NIBAN1: variants seen among roughly 807,000 people sequenced by gnomAD.
NIBAN1 encodes the protein niban apoptosis regulator 1, also known as protein Niban 1.
Under a neutral mutation model 75.1 loss-of-function variants are expected in NIBAN1, and 81 were observed. The ratio of observed to expected loss-of-function variants is 1.08; its 90% CI spans 0.90 to 1.30. The LOEUF (loss-of-function observed/expected upper bound fraction) is 1.30, where lower values mean the gene tolerates loss of function less well. NIBAN1 is among the 50% of genes most tolerant of loss of function. The pLI, the probability that NIBAN1 is intolerant of heterozygous loss-of-function variation, is 0.00. For missense variants in NIBAN1, 1,133 were observed against 1,128.1 expected, an observed-to-expected ratio of 1.00 and a Z score of -0.06; for synonymous variants, 436 against 424.8, an observed-to-expected ratio of 1.03 and a Z score of -0.32.
intron 6 of NIBAN1, among the ~76,000 whole-genome samples, chr1:184,827,234 G>A (rs1254056371): frequency 6.6e-6 from 1 of 151,586 alleles, no homozygotes; most frequent in Non-Finnish European, 1.5e-5. Context: ...AATACAGTGG[G>A]GGAGTGGGGC....
At chr1:184,803,111 C>A (rs1382002746) in intron 12 of NIBAN1, among the ~76,000 whole-genome samples, 1 of 152,180 alleles carries the variant, frequency 6.6e-6, no homozygotes. Flanking sequence ...AACAACATTG[C>A]TGGATTTAAC....
intron 4 of NIBAN1, 130 bp downstream of exon 4, chr1:184,889,974 GACAA>G (rs1427058808): frequency 1.4e-6 from 1 of 689,724 alleles, no homozygotes; most frequent in South Asian, 1.8e-5. Context: ...TTCCAATTGT[GACAA>G]ACAAAAATGT....
At chr1:184,950,417 T>A (rs234091) in intron 1 of NIBAN1, among the ~76,000 whole-genome samples, 122,062 of 152,136 alleles carry the variant, frequency 0.8, 49,210 homozygotes, top group African/African-American at 0.83. Flanking sequence ...CCCCAGACAC[T>A]TTGTCTTTTC....
intron 2 of NIBAN1, among the ~76,000 whole-genome samples, chr1:184,898,817 CTTA>C (rs1571557407): frequency 6.6e-6 from 1 of 152,036 alleles, no homozygotes; most frequent in Non-Finnish European, 1.5e-5. Flanking sequence ...GTGGTGGTTA[CTTA>C]TTATAATGGA....
At chr1:184,908,982 C>A (rs1377834315) in intron 1 of NIBAN1, among the ~76,000 whole-genome samples, 1 of 152,114 alleles carries the variant, frequency 6.6e-6, no homozygotes, top group Non-Finnish European at 1.5e-5. Flanking sequence ...ATTAGACAAC[C>A]TTTCTTGGTT....
At chr1:184,960,697 C>G (rs1030595778) in intron 1 of NIBAN1, among the ~76,000 whole-genome samples, 1 of 152,030 alleles carries the variant, frequency 6.6e-6, no homozygotes, top group African/African-American at 2.4e-5. Context: ...GGCACAGTCT[C>G]GGCTCACTGC....
rs748954236 is a variant in NIBAN1 at position 184,884,677 on chromosome 1, C to A, written c.557G>T (p.Arg186Met). Residue 186 changes from arginine (R) to methionine (M), a missense_variant, in exon 5 of 14, where the codon AGG (arginine) becomes ATG (methionine). Physicochemically the swap from Arg to Met is moderately conservative, Grantham distance 91 (BLOSUM62 -1). Coordinates refer to ENST00000367511, the MANE Select transcript of NIBAN1 (RefSeq NM_052966.4). ...FCFHEAADQK[R>M]FSALLSDCVR... ...GCAGTCACTCAGGAGGGCACTAAAC[C>A]TCTTCTGGTCAGCAGCCTCGTGGAA... is the stretch of plus-strand genomic sequence containing the variant. 4.3e-6 allele frequency: 7 copies of A among 1,614,194 alleles called. No individual in the cohort carries two copies. Among genetic ancestry groups the A allele is most frequent in the Non-Finnish European group, 5.9e-6 (7 of 1,180,004 alleles).
At chr1:184,925,323 A>G (rs561216818) in intron 1 of NIBAN1, among the ~76,000 whole-genome samples, 106 of 152,070 alleles carry the variant, frequency 7.0e-4, no homozygotes, top group Admixed American at 1.2e-3. Context: ...TGTATTTCCT[A>G]TAGGCAACCA....
At chr1:184,971,438 G>A (rs542537253) in intron 1 of NIBAN1, among the ~76,000 whole-genome samples, 15 of 151,968 alleles carry the variant, frequency 9.9e-5, no homozygotes, top group Admixed American at 3.9e-4. Flanking sequence ...TTGGGAGGCC[G>A]AGGCAGGCAG....
chr1:184,960,519 A>G (rs1044147408), intron 1 of NIBAN1, among the ~76,000 whole-genome samples: 1 of 152,236 alleles, frequency 6.6e-6, no homozygotes, highest in Non-Finnish European at 1.5e-5. Context: ...CTATTTGCTG[A>G]GGGTGCTATT....
Position 184,808,128 on chromosome 1 carries a change from G to C in NIBAN1, c.1281C>G (p.Phe427Leu). The change falls in exon 10 of 14, where the codon TTC becomes TTG. Residue 427 changes from phenylalanine to leucine, a missense_variant. Physicochemically the swap from Phe to Leu is conservative, Grantham distance 22 (BLOSUM62 0). Transcript: ENST00000367511. ...CCACCAGATCAATGTGGGGGAATCT[G>C]AAGCGGCTCTTGAGATCCTGCAGGC... ...HERLQDLKSR[F>L]RFPHIDLVVQ... 3 of 1,614,068 alleles carry C rather than the reference G, an allele frequency of 1.9e-6. No homozygotes were observed. Among genetic ancestry groups the C allele is most frequent in the Non-Finnish European group, 2.5e-6 (3 of 1,179,988 alleles).
At chr1:184,928,817 T>C (rs1045903709) in intron 1 of NIBAN1, among the ~76,000 whole-genome samples, 1 of 152,150 alleles carries the variant, frequency 6.6e-6, no homozygotes, top group Non-Finnish European at 1.5e-5. Flanking sequence ...TTGGTTCTTA[T>C]AAAGGTGATT....
chr1:184,806,283 G>A (rs180774719), intron 10 of NIBAN1, among the ~76,000 whole-genome samples: 109 of 152,332 alleles, frequency 7.2e-4, no homozygotes, highest in African/African-American at 2.5e-3. Context: ...CCAAGGCCAT[G>A]GGACTGAGCA....
chr1:184,895,654 T>C (rs1485545216), intron 2 of NIBAN1, among the ~76,000 whole-genome samples: 1 of 152,160 alleles, frequency 6.6e-6, no homozygotes, highest in Non-Finnish European at 1.5e-5. Context: ...AGTGTACCCA[T>C]TACCCAAATC....
intron 13 of NIBAN1, among the ~76,000 whole-genome samples, chr1:184,797,253 C>T (rs1379928185): frequency 6.6e-6 from 1 of 151,704 alleles, no homozygotes; most frequent in East Asian, 1.9e-4. Flanking sequence ...GATTCTCCTA[C>T]CTCACCTTCT....
At chr1:184,823,604 A>C in intron 7 of NIBAN1, 34 bp downstream of exon 7, 1 of 1,598,644 alleles carries the variant, frequency 6.3e-7, no homozygotes, top group South Asian at 1.1e-5. Context: ...TCCCATTTTG[A>C]GTAGCTCAGT....
intron 5 of NIBAN1, among the ~76,000 whole-genome samples, chr1:184,871,986 G>A (rs968317754): frequency 2.6e-5 from 4 of 151,870 alleles, no homozygotes; most frequent in African/African-American, 7.3e-5. Flanking sequence ...ATCCTCTCAG[G>A]AACTCACCTT....
chr1:184,893,682 T>C (rs234667), intron 3 of NIBAN1, among the ~76,000 whole-genome samples: 72,771 of 151,910 alleles, frequency 0.48, 17,600 homozygotes, highest in South Asian at 0.58. Context: ...AGAGCAGAGA[T>C]GTCAGGATGG....
At position 184,926,120 on chromosome 1, in the gene NIBAN1, AT is replaced by A. The variant is rs375136862; in HGVS notation, c.56-26812del. Reference sequence around the variant, plus strand: ...GATATACTATTCTAGGATACAAGGTATTTTTTTTTTCCTTCGGTACTTGAAA... The same window carrying A: ...GATATACTATTCTAGGATACAAGGTATTTTTTTTTCCTTCGGTACTTGAAA... On this transcript the variant is annotated intron_variant, in intron 1 of 13. Coordinates refer to ENST00000367511, the MANE Select transcript of NIBAN1 (RefSeq NM_052966.4). Among the ~76,000 whole-genome samples, 404 of 150,082 alleles carry A rather than the reference AT, an allele frequency of 2.7e-3. 1 individual carries two copies. The highest frequency in any genetic ancestry group is 4.5e-3 in the Admixed American group (67 of 15,038).
Sources: gnomAD v4.1 joint callset for allele counts (sites outside exome capture counted in the v4.1 genomes callset) on GRCh38, gnomAD v4.1.1 for gene constraint, MANE v1.5 for transcripts, NCBI Gene and HGNC (gene_info 2026-07-23, HGNC 2026-07-21) for gene names.